Variants in PANX1 observed in about 807,000 individuals in gnomAD.
PANX1 encodes the protein pannexin-1.
Under a neutral mutation model 38.7 loss-of-function variants are expected in PANX1, and 30 were observed. That is an observed-to-expected ratio of 0.78 (90% CI 0.58 to 1.05). PANX1 has a LOEUF of 1.05. Among genes scored for constraint, PANX1 ranks in the 50% least tolerant of loss-of-function variants. PANX1 has a pLI of 0.00. For synonymous variants in PANX1, 230 were observed against 212.2 expected (o/e 1.08, Z -0.73); for missense variants, 551 against 517.2 (o/e 1.07, Z -0.63).
At chr11:94,152,037 A>G (rs1483024631) in intron 1 of PANX1, among the ~76,000 whole-genome samples, 1 of 137,162 alleles carries the variant, frequency 7.3e-6, no homozygotes, top group Non-Finnish European at 1.5e-5. Context: ...TCCCCAGGCA[A>G]AGATGAGTGT....
intron 1 of PANX1, among the ~76,000 whole-genome samples, chr11:94,136,755 G>A (rs1389997071): frequency 1.3e-5 from 2 of 151,794 alleles, no homozygotes; most frequent in Admixed American, 6.5e-5. Flanking sequence ...GCGACAGAGC[G>A]AGACTCCGTC....
At chr11:94,135,723 T>A (rs1265879044) in intron 1 of PANX1, among the ~76,000 whole-genome samples, 1 of 152,226 alleles carries the variant, frequency 6.6e-6, no homozygotes, top group Non-Finnish European at 1.5e-5. Flanking sequence ...AAATACATCA[T>A]CATGGTAAAG....
chr11:94,162,315 A>C (rs1033405730), intron 2 of PANX1, among the ~76,000 whole-genome samples: 1 of 152,176 alleles, frequency 6.6e-6, no homozygotes, highest in Non-Finnish European at 1.5e-5. Flanking sequence ...CTGTCCCCAG[A>C]GGTGGAGTCT....
intron 1 of PANX1, among the ~76,000 whole-genome samples, chr11:94,148,929 T>G (rs1231063309): frequency 1.3e-5 from 2 of 152,148 alleles, no homozygotes; most frequent in Admixed American, 6.5e-5. Flanking sequence ...TCACCTCCTC[T>G]TTCTTGTGTT....
rs781580471 is a variant in PANX1 at position 94,173,275 on chromosome 11, G to A, written c.322-5094G>A. On this transcript the variant is annotated intron_variant, in intron 2 of 4. Coordinates refer to ENST00000227638, the MANE Select transcript of PANX1 (RefSeq NM_015368.4). ...ATGTTATAGGGTCTCAGGCCTGTTC[G>A]TGGTCTTCTGGTCTTCTCCTTCTGC... 9.2e-5 allele frequency among the ~76,000 whole-genome samples: 14 copies of A among 151,522 alleles called. 1 individual carries two copies. The highest frequency in any genetic ancestry group is 1.7e-4 in the African/African-American group (7 of 40,894).
chr11:94,172,922 T>A (rs796511869), intron 2 of PANX1, among the ~76,000 whole-genome samples: 13 of 151,828 alleles, frequency 8.6e-5, no homozygotes, highest in African/African-American at 3.2e-4. Context: ...ATGGGTTCCC[T>A]CCAGCTGCAC....
chr11:94,153,201 T>C (rs187590567), intron 1 of PANX1, among the ~76,000 whole-genome samples: 155 of 152,340 alleles, frequency 1.0e-3, no homozygotes, highest in Non-Finnish European at 1.9e-3. Flanking sequence ...TCTTGAATTC[T>C]GGGCTCTGGT....
At chr11:94,137,863 A>G in intron 1 of PANX1, among the ~76,000 whole-genome samples, 1 of 137,758 alleles carries the variant, frequency 7.3e-6, no homozygotes, top group African/African-American at 2.9e-5. Context: ...GATAACTACT[A>G]TTCTTGAAAA....
intron 2 of PANX1, among the ~76,000 whole-genome samples, chr11:94,165,646 C>T (rs1947094775): frequency 6.6e-6 from 1 of 152,204 alleles, no homozygotes; most frequent in African/African-American, 2.4e-5. Context: ...CACAGTGGCT[C>T]ATGCCTGTAA....
At chr11:94,136,644 T>C (rs1365588653) in intron 1 of PANX1, among the ~76,000 whole-genome samples, 1 of 151,886 alleles carries the variant, frequency 6.6e-6, no homozygotes, top group Non-Finnish European at 1.5e-5. Flanking sequence ...GGCGGGCGCC[T>C]GTAGTCCCAG....
At position 94,157,042 on chromosome 11, in the gene PANX1, A is replaced by G. The variant is rs1946957996; in HGVS notation, c.321+3412A>G. Among the ~76,000 whole-genome samples, 3 of 152,138 alleles carry G rather than the reference A, an allele frequency of 2.0e-5. No individual in the cohort carries two copies. In the South Asian group the frequency reaches 6.2e-4, roughly 32 times the overall value. On this transcript the variant is annotated intron_variant, in intron 2 of 4. Transcript: ENST00000227638. ...GGTTTCCAGCTTCATCCATGTCCCT[A>G]CAAAGGACATGAACTCATCCTTTTT...
chr11:94,161,014 G>A (rs979248633), intron 2 of PANX1, among the ~76,000 whole-genome samples: 1 of 152,148 alleles, frequency 6.6e-6, no homozygotes, highest in Non-Finnish European at 1.5e-5. Context: ...GAAATTCTGG[G>A]TTGAAAATTC....
At chr11:94,177,061 C>T (rs1406432888) in intron 2 of PANX1, among the ~76,000 whole-genome samples, 1 of 151,744 alleles carries the variant, frequency 6.6e-6, no homozygotes, top group Non-Finnish European at 1.5e-5. Flanking sequence ...TTCATGACAC[C>T]TCTATTCCAT....
intron 2 of PANX1, among the ~76,000 whole-genome samples, chr11:94,172,207 C>T (rs1163240709): frequency 6.6e-6 from 1 of 151,590 alleles, no homozygotes; most frequent in Non-Finnish European, 1.5e-5. Flanking sequence ...TAGGTTGGAG[C>T]TTCTGTGGTT....
intron 2 of PANX1, among the ~76,000 whole-genome samples, chr11:94,163,830 G>A (rs1947074031): frequency 6.6e-6 from 1 of 152,076 alleles, no homozygotes; most frequent in Admixed American, 6.6e-5. Flanking sequence ...TAAAAGTTTG[G>A]TAGAATTTAG....
chr11:94,170,017 G>A (rs773596325), intron 2 of PANX1, among the ~76,000 whole-genome samples: 1 of 151,674 alleles, frequency 6.6e-6, no homozygotes, highest in Non-Finnish European at 1.5e-5. Flanking sequence ...TTATTTCTAC[G>A]TTGATCTCTT....
At chr11:94,132,209 G>T (rs1946638281) in intron 1 of PANX1, among the ~76,000 whole-genome samples, 1 of 152,212 alleles carries the variant, frequency 6.6e-6, no homozygotes. Context: ...CCTTGGCAAT[G>T]GGGTGTCAGA....
At chr11:94,131,261 G>T (rs1052215942) in intron 1 of PANX1, among the ~76,000 whole-genome samples, 2 of 152,194 alleles carry the variant, frequency 1.3e-5, no homozygotes, top group African/African-American at 4.8e-5. Flanking sequence ...ACATGTACTA[G>T]AGGGACTCCT....
chr11:94,180,235 G>T lies in PANX1; in HGVS notation c.1179G>T (p.Gly393=). 6.2e-7 allele frequency: 1 copy of T among 1,606,326 alleles called. No individual in the cohort carries two copies. Among genetic ancestry groups the T allele is most frequent in the Non-Finnish European group, 8.5e-7 (1 of 1,174,058 alleles). Residue 393 remains glycine, a synonymous_variant, in exon 4 of 5, where the codon GGG becomes GGT. Coordinates refer to ENST00000227638, the MANE Select transcript of PANX1 (RefSeq NM_015368.4). ...PMSAEMREEQ[G]NQTAELQGMN... ...CTGCAGAGATGAGAGAGGAGCAGGG[G>T]AACCAGACGGCAGAGCTCCAAGGTA...
Sources: gnomAD v4.1 joint callset for allele counts (sites outside exome capture counted in the v4.1 genomes callset) on GRCh38, gnomAD v4.1.1 for gene constraint, MANE v1.5 for transcripts, NCBI Gene and HGNC (gene_info 2026-07-23, HGNC 2026-07-21) for gene names.